Variants in DIP2A observed in about 807,000 individuals in gnomAD.
The protein encoded by DIP2A is DIP2 acetate--CoA ligase A.
A neutral mutation model predicts 177.4 loss-of-function variants in DIP2A; 85 were observed. That is an observed-to-expected ratio of 0.48 (90% CI 0.40 to 0.57). The LOEUF (loss-of-function observed/expected upper bound fraction) is 0.57. Among genes scored for constraint, DIP2A ranks in the 20% least tolerant of loss-of-function variants. The probability of loss-of-function intolerance (pLI) is 0.00; values close to 1 mark genes in which losing one functional copy is unlikely to be tolerated. For synonymous variants in DIP2A, 886 were observed against 881.8 expected, an observed-to-expected ratio of 1.00 and a Z score of -0.08; for missense variants, 1,791 against 2,100.2, an observed-to-expected ratio of 0.85 and a Z score of 2.88.
At chr21:46,538,699 C>T in intron 16 of DIP2A, 97 bp downstream of exon 16, 1 of 1,469,588 alleles carries the variant, frequency 6.8e-7, no homozygotes, top group South Asian at 1.3e-5. Flanking sequence ...GGCATTTTCA[C>T]TGCCATTGTC....
rs746453938 is a variant in DIP2A, at chr21:46,537,289, G to C, written c.1707+1G>C. 6.2e-7 allele frequency: 1 copy of C among 1,614,038 alleles called. No individual in the cohort carries two copies. The highest frequency in any genetic ancestry group is 8.5e-7 in the Non-Finnish European group (1 of 1,179,890). On this transcript the variant is annotated splice_donor_variant, in intron 14 of 37. Coordinates refer to ENST00000417564, the MANE Select transcript of DIP2A (RefSeq NM_015151.4). LOFTEE classifies it high-confidence loss of function. This position sits in a 1 kb window ranked among gnomAD's most constrained non-coding sequence, Gnocchi z 4.1. ...TGGTCTGTGGCATGGCGTGTTAACAGTGAGTGTTGTTTGCTGATGACTAAC... is the reference window on the plus strand; with the variant it reads ...TGGTCTGTGGCATGGCGTGTTAACACTGAGTGTTGTTTGCTGATGACTAAC...
At chr21:46,541,988 C>T in intron 18 of DIP2A, 93 bp downstream of exon 18, 7 of 1,518,438 alleles carry the variant, frequency 4.6e-6, no homozygotes, top group Admixed American at 1.7e-5. Flanking sequence ...CTTGCTTTGT[C>T]ACCAGGCTGG....
At chr21:46,545,985 C>T in intron 20 of DIP2A, 24 bp downstream of exon 20, 2 of 1,613,938 alleles carry the variant, frequency 1.2e-6, no homozygotes, top group Non-Finnish European at 1.7e-6. Flanking sequence ...CCTGTACCAG[C>T]ACTGGCAGTC....
At position 46,534,096 on chromosome 21, in the gene DIP2A, G is replaced by A. The variant is rs748292916; in HGVS notation, c.1522G>A (p.Gly508Arg). 4 of 1,613,562 alleles carry A rather than the reference G, an allele frequency of 2.5e-6. No individual in the cohort carries two copies. The highest frequency in any genetic ancestry group is 8.5e-7 in the Non-Finnish European group (1 of 1,179,578). ...WHPLAQDTGTGTAYIEYKTSK... is the reference protein window; with the variant it reads ...WHPLAQDTGTRTAYIEYKTSK... ...CCCTCTGGCCCAGGACACAGGGACT[G>A]GGACTGCCTACATTGAGGTAATGAC... The change falls in exon 12 of 38, where the codon GGG (glycine) becomes AGG (arginine). Residue 508 changes from glycine to arginine, a missense_variant. Transcript: ENST00000417564.
In DIP2A at chr21:46,506,724, T is replaced by TTTCTTTCTTTCTTTC. The variant is rs149327676; in HGVS notation, c.784+2237_784+2238insCTTTCTTTCTTTCTT. 9.4e-3 allele frequency among the ~76,000 whole-genome samples: 742 copies of TTTCTTTCTTTCTTTC among 78,906 alleles called. 39 individuals are homozygous for TTTCTTTCTTTCTTTC. Among genetic ancestry groups the TTTCTTTCTTTCTTTC allele is most frequent in the East Asian group, 0.035 (79 of 2,268 alleles). 51.8% of individuals were successfully genotyped at this position (78,906 alleles called of 152,430 possible). A position where few individuals can be genotyped will look rare whatever the true frequency, so the allele number is the denominator to read the frequency against. On this transcript the variant is annotated intron_variant, in intron 6 of 37. Transcript: ENST00000417564. Reference sequence around the variant, plus strand: ...TATTTTTTTTTTTAATTGTGCTTGTTTTTCTTTCTTTCTTTCTTTCTTTCT... The same window carrying TTTCTTTCTTTCTTTC: ...TATTTTTTTTTTTAATTGTGCTTGTTTTCTTTCTTTCTTTCTTTCTTTCTTTCTTTCTTTCTTTCT...
chr21:46,509,227 C>CT, intron 6 of DIP2A, 30 bp from the exon 7 acceptor site: 1 of 1,599,208 alleles, frequency 6.3e-7, no homozygotes, highest in Non-Finnish European at 8.5e-7. Flanking sequence ...GTGTCCTGGC[C>CT]TCAGTGCTCC....
At chr21:46,492,625 G>A (rs111661735) in intron 3 of DIP2A, among the ~76,000 whole-genome samples, 12 of 152,260 alleles carry the variant, frequency 7.9e-5, no homozygotes, top group African/African-American at 2.9e-4. Flanking sequence ...GTTTAGATGA[G>A]ATCATGAGGG....
chr21:46,462,098 A>G (rs1173657727), intron 1 of DIP2A, among the ~76,000 whole-genome samples: 2 of 152,200 alleles, frequency 1.3e-5, no homozygotes, highest in African/African-American at 4.8e-5. Flanking sequence ...GTAGAGTGGC[A>G]GCCAAGGAGG....
intron 5 of DIP2A, among the ~76,000 whole-genome samples, chr21:46,499,543 G>A (rs2057540235): frequency 6.6e-6 from 1 of 152,228 alleles, no homozygotes; most frequent in African/African-American, 2.4e-5. Flanking sequence ...AGGTTAGACA[G>A]CCTTTGGCCT....
chr21:46,570,866 G>A (rs2060955993), downstream of DIP2A, among the ~76,000 whole-genome samples: 1 of 152,188 alleles, frequency 6.6e-6, no homozygotes, highest in Non-Finnish European at 1.5e-5. Flanking sequence ...AAGCATCCAA[G>A]TAGCTCAACA....
chr21:46,488,686 T>C (rs1454829753), intron 2 of DIP2A, among the ~76,000 whole-genome samples: 1 of 152,194 alleles, frequency 6.6e-6, no homozygotes, highest in African/African-American at 2.4e-5. Context: ...TTATAACATC[T>C]AGTGCTGACA....
At chr21:46,538,769 T>G in intron 16 of DIP2A, 167 bp downstream of exon 16, 1 of 1,041,770 alleles carries the variant, frequency 9.6e-7, no homozygotes, top group Non-Finnish European at 1.4e-6. Flanking sequence ...ATTCACTGGT[T>G]TATCCCATGC....
In DIP2A at chr21:46,565,858, G is replaced by C. The variant is rs776980789; in HGVS notation, c.4310G>C (p.Arg1437Pro). The C allele has an allele frequency of 6.2e-7, 1 of 1,613,930 alleles. No individual in the cohort carries two copies. The highest frequency in any genetic ancestry group is 8.5e-7 in the Non-Finnish European group (1 of 1,179,888). ...WARTGYLGFL[R>P]RTELTDASGG... Reference sequence around the variant, plus strand: ...AGGACCGGCTACCTTGGCTTCCTTCGGCGAACAGAGCTCACTGATGCCAGT... The same window carrying C: ...AGGACCGGCTACCTTGGCTTCCTTCCGCGAACAGAGCTCACTGATGCCAGT... Residue 1437 changes from arginine to proline, a missense_variant, in exon 36 of 38, where the codon CGG (arginine) becomes CCG (proline). By Grantham distance (103) the Arg-to-Pro change is moderately radical. Transcript: ENST00000417564.
Position 46,514,414 on chromosome 21 carries a change from C to T in DIP2A, c.1102+2800C>T, listed in dbSNP as rs1411530005. Among the ~76,000 whole-genome samples, 5 of 147,816 alleles carry T rather than the reference C, an allele frequency of 3.4e-5. No individual in the cohort carries two copies. In the East Asian group the frequency reaches 5.9e-4, roughly 18 times the overall value. ...TCGCACCACTGCACTCCAGCCTGGGCGACAGAGCAAGACTCCATCTCAAAA... is the reference window on the plus strand; with the variant it reads ...TCGCACCACTGCACTCCAGCCTGGGTGACAGAGCAAGACTCCATCTCAAAA... On this transcript the variant is annotated intron_variant, in intron 8 of 37. Coordinates refer to ENST00000417564, the MANE Select transcript of DIP2A (RefSeq NM_015151.4).
chr21:46,530,093 A>G (rs763422186), intron 9 of DIP2A, among the ~76,000 whole-genome samples: 6 of 152,240 alleles, frequency 3.9e-5, no homozygotes, highest in Non-Finnish European at 7.3e-5. Flanking sequence ...TTCTGTCATC[A>G]TAGAAACTTC....
rs754663374 is a variant in DIP2A, at chr21:46,537,280, G to T, written c.1699G>T (p.Val567Leu). ...FKRDAGLWHG[V>L]LTSVMNRMHV... is the part of the protein sequence containing the mutation. ...AAGGGATGCTGGTCTGTGGCATGGC[G>T]TGTTAACAGTGAGTGTTGTTTGCTG... The change falls in exon 14 of 38, where the codon GTG becomes TTG. Residue 567 changes from valine (V) to leucine (L), a missense_variant. Coordinates refer to ENST00000417564, the MANE Select transcript of DIP2A (RefSeq NM_015151.4). The surrounding 1 kb of genome is among the most constrained non-coding windows in gnomAD (Gnocchi z 4.1). 2.5e-6 allele frequency: 4 copies of T among 1,613,904 alleles called. No homozygotes were observed. Among genetic ancestry groups the T allele is most frequent in the Non-Finnish European group, 3.4e-6 (4 of 1,179,894 alleles).
At chr21:46,495,210 T>C (rs1262745324) in intron 3 of DIP2A, among the ~76,000 whole-genome samples, 1 of 94,246 alleles carries the variant, frequency 1.1e-5, no homozygotes, top group Non-Finnish European at 2.0e-5. Flanking sequence ...TTCTCTTCTC[T>C]TCTCTTCTCT....
At chr21:46,573,303 A>G (rs746767397), downstream of DIP2A, among the ~76,000 whole-genome samples, 2 of 152,142 alleles carry the variant, frequency 1.3e-5, no homozygotes, top group African/African-American at 2.4e-5. Flanking sequence ...ATCTAACTGT[A>G]TGCTGTCTAC....
chr21:46,526,870 A>G (rs2059117839), intron 8 of DIP2A, among the ~76,000 whole-genome samples: 1 of 152,202 alleles, frequency 6.6e-6, no homozygotes, highest in South Asian at 2.1e-4. Flanking sequence ...TGCACTGGCT[A>G]AGCCTTTCAG....
Sources: allele counts gnomAD v4.1 joint callset (sites outside exome capture counted in the v4.1 genomes callset), GRCh38; gene constraint gnomAD v4.1.1; non-coding constraint Gnocchi (gnomAD v3.1); transcripts MANE v1.5; gene names NCBI Gene and HGNC (gene_info 2026-07-23, HGNC 2026-07-21).